Variants in MSRA observed in about 807,000 individuals in gnomAD.
MSRA encodes the protein methionine sulfoxide reductase A.
A neutral mutation model predicts 31.3 loss-of-function variants in MSRA; 54 were observed. The ratio of observed to expected loss-of-function variants is 1.73; its 90% CI spans 1.39 to 2.17. MSRA has a LOEUF of 2.17. Ranked by LOEUF, MSRA falls within the 30% of genes most tolerant of loss-of-function variation. The pLI is 0.00. For missense variants in MSRA, 507 were observed against 300.9 expected (o/e 1.69, Z -5.07); for synonymous variants, 169 against 116.5 (o/e 1.45, Z -2.90).
At chr8:10,272,765 T>C (rs1799115926) in intron 3 of MSRA, among the ~76,000 whole-genome samples, 1 of 152,236 alleles carries the variant, frequency 6.6e-6, no homozygotes, top group South Asian at 2.1e-4. Flanking sequence ...TTCTACGCTG[T>C]ACATTTCTTG....
Position 10,301,456 on chromosome 8 carries a change from G to GT in MSRA, c.332-70dup, listed in dbSNP as rs148500622. ...GGTAGAGTTTCAGCTTTTGTCTGTT[G>GT]TTTTTTTTGTGAACAAAAAACTTGC... is the stretch of plus-strand genomic sequence containing the variant. On this transcript the variant is annotated intron_variant, in intron 3 of 5. Transcript: ENST00000317173. 3,950 of 1,126,842 alleles carry GT rather than the reference G, an allele frequency of 3.5e-3. 85 individuals carry two copies. The African/African-American group carries it at 0.05, about 14-fold the overall frequency. 69.8% of individuals were successfully genotyped at this position (1,126,842 alleles called of 1,614,324 possible). A position where few individuals can be genotyped will look rare whatever the true frequency, so the allele number is the denominator to read the frequency against.
At chr8:10,426,418 A>C (rs1331448904) in intron 5 of MSRA, among the ~76,000 whole-genome samples, 2 of 152,232 alleles carry the variant, frequency 1.3e-5, no homozygotes, top group East Asian at 3.9e-4. Context: ...GCCAAAAGTC[A>C]TTGCTGATGG....
intron 1 of MSRA, among the ~76,000 whole-genome samples, chr8:10,103,333 A>G (rs889250675): frequency 6.6e-6 from 1 of 152,220 alleles, no homozygotes; most frequent in African/African-American, 2.4e-5. Flanking sequence ...TTCAGGACAG[A>G]TCTTAAAGAT....
intron 1 of MSRA, among the ~76,000 whole-genome samples, chr8:10,161,831 C>A (rs1804681748): frequency 6.7e-6 from 1 of 149,910 alleles, no homozygotes. Context: ...CCCGCCCCGC[C>A]CCTGATAACC....
chr8:10,229,796 C>T (rs1811311002), intron 2 of MSRA, among the ~76,000 whole-genome samples: 1 of 152,168 alleles, frequency 6.6e-6, no homozygotes, highest in Non-Finnish European at 1.5e-5. Context: ...ATGCCCCATT[C>T]AACACTTCTG....
intron 5 of MSRA, among the ~76,000 whole-genome samples, chr8:10,372,888 A>G (rs1361645538): frequency 6.6e-6 from 1 of 152,236 alleles, no homozygotes; most frequent in Admixed American, 6.5e-5. Context: ...AGTTGTTATT[A>G]CTAACATTAT....
chr8:10,073,712 A>G (rs1185001576), intron 1 of MSRA, among the ~76,000 whole-genome samples: 3 of 152,122 alleles, frequency 2.0e-5, no homozygotes, highest in Admixed American at 2.0e-4. Flanking sequence ...GGATAGATGT[A>G]GATCTAGTTG....
chr8:10,382,260 C>T (rs771662585), intron 5 of MSRA, among the ~76,000 whole-genome samples: 2 of 152,198 alleles, frequency 1.3e-5, no homozygotes, highest in Non-Finnish European at 2.9e-5. Context: ...CCCAGCAGCC[C>T]AGGAGCCTTC....
intron 2 of MSRA, among the ~76,000 whole-genome samples, chr8:10,218,138 T>G (rs1810164725): frequency 6.7e-6 from 1 of 149,904 alleles, no homozygotes; most frequent in African/African-American, 2.4e-5. Context: ...ATTTATTTAT[T>G]TATTTATTTA....
At chr8:10,076,305 G>T (rs1229554405) in intron 1 of MSRA, among the ~76,000 whole-genome samples, 2 of 152,190 alleles carry the variant, frequency 1.3e-5, no homozygotes, top group Admixed American at 1.3e-4. Flanking sequence ...TTTTGTAAGA[G>T]TGACTGATGG....
chr8:10,324,836 T>C (rs1464929565), intron 5 of MSRA, among the ~76,000 whole-genome samples: 1 of 152,188 alleles, frequency 6.6e-6, no homozygotes, highest in Non-Finnish European at 1.5e-5. Flanking sequence ...TGACTAGGCA[T>C]TCGGGAGAAG....
chr8:10,381,045 G>A (rs946533113), intron 5 of MSRA, among the ~76,000 whole-genome samples: 1 of 152,086 alleles, frequency 6.6e-6, no homozygotes, highest in African/African-American at 2.4e-5. Context: ...GATAAATGAT[G>A]GAAAGATGGA....
intron 1 of MSRA, among the ~76,000 whole-genome samples, chr8:10,170,002 A>G (rs1042391484): frequency 4.3e-5 from 5 of 116,742 alleles, no homozygotes; most frequent in African/African-American, 7.0e-5. Context: ...TGCAACTTCT[A>G]CCTCCTGGGC....
At chr8:10,328,301 C>G (rs532852039) in intron 5 of MSRA, among the ~76,000 whole-genome samples, 4 of 141,574 alleles carry the variant, frequency 2.8e-5, no homozygotes, top group Admixed American at 2.2e-4. Flanking sequence ...TTTAACTTGC[C>G]TAACTAAGCA....
chr8:10,117,420 G>A (rs1800766746), intron 1 of MSRA, among the ~76,000 whole-genome samples: 1 of 152,318 alleles, frequency 6.6e-6, no homozygotes, highest in East Asian at 1.9e-4. Flanking sequence ...CTGGTCAGCC[G>A]CATTCTGCAT....
intron 1 of MSRA, among the ~76,000 whole-genome samples, chr8:10,096,716 A>G (rs1308565305): frequency 6.6e-6 from 1 of 152,176 alleles, no homozygotes; most frequent in Non-Finnish European, 1.5e-5. Flanking sequence ...TAATTTCTGA[A>G]CAATGAATCT....
At chr8:10,249,880 G>A (rs1213313371) in intron 3 of MSRA, among the ~76,000 whole-genome samples, 2 of 152,184 alleles carry the variant, frequency 1.3e-5, no homozygotes, top group African/African-American at 4.8e-5. Flanking sequence ...ACGTGGACTG[G>A]AATAGCCATG....
At chr8:10,292,668 G>C (rs1193524605) in intron 3 of MSRA, among the ~76,000 whole-genome samples, 10 of 152,198 alleles carry the variant, frequency 6.6e-5, no homozygotes, top group Admixed American at 3.3e-4. Context: ...CCTCTTCCTG[G>C]GGTCCCCAGC....
At chr8:10,202,882 G>C (rs1808626406) in intron 1 of MSRA, among the ~76,000 whole-genome samples, 2 of 152,152 alleles carry the variant, frequency 1.3e-5, no homozygotes, top group Admixed American at 1.3e-4. Context: ...GCATGAAGAG[G>C]TTGAGTGACT....
Sources: gnomAD v4.1 joint callset for allele counts (sites outside exome capture counted in the v4.1 genomes callset) on GRCh38, gnomAD v4.1.1 for gene constraint, MANE v1.5 for transcripts, NCBI Gene and HGNC (gene_info 2026-07-23, HGNC 2026-07-21) for gene names.